The following FAM124B variants were observed in gnomAD, a reference collection of about 807,000 sequenced individuals.
FAM124B encodes the protein family with sequence similarity 124 member B, also known as protein FAM124B.
Under a neutral mutation model 19.7 loss-of-function variants are expected in FAM124B, and 18 were observed. The ratio of observed to expected loss-of-function variants is 0.92; its 90% CI spans 0.63 to 1.36. FAM124B has a LOEUF of 1.36. Among genes scored for constraint, FAM124B ranks in the 40% most tolerant of loss-of-function variants. The probability of loss-of-function intolerance (pLI) is 0.00; values close to 1 mark genes in which losing one functional copy is unlikely to be tolerated. For synonymous variants in FAM124B, 223 were observed against 225.2 expected (o/e 0.99, Z 0.09); for missense variants, 540 against 553.3 (o/e 0.98, Z 0.24).
At chr2:224,381,524 G>A (rs1454790323) in intron 1 of FAM124B, among the ~76,000 whole-genome samples, 1 of 151,420 alleles carries the variant, frequency 6.6e-6, no homozygotes, top group African/African-American at 2.4e-5. Flanking sequence ...GTTGCCAGGG[G>A]TTGGGGGGAG....
intron 1 of FAM124B, among the ~76,000 whole-genome samples, chr2:224,388,164 A>C (rs1394914552): frequency 6.6e-6 from 1 of 152,234 alleles, no homozygotes; most frequent in Non-Finnish European, 1.5e-5. Flanking sequence ...AAGAACGGGA[A>C]AATATATAAT....
At chr2:224,383,712 T>C (rs1303829783) in intron 1 of FAM124B, among the ~76,000 whole-genome samples, 1 of 152,214 alleles carries the variant, frequency 6.6e-6, no homozygotes, top group Non-Finnish European at 1.5e-5. Context: ...ATCTCCGAAA[T>C]GTCAGCTGGG....
chr2:224,380,179 C>A lies in FAM124B; in HGVS notation c.762G>T (p.Lys254Asn). The change falls in exon 2 of 2, where the codon AAG becomes AAT. Residue 254 changes from lysine to asparagine, a missense_variant. Lys to Asn is a moderately conservative substitution (Grantham distance 94). Coordinates refer to ENST00000409685, the MANE Select transcript of FAM124B (RefSeq NM_001122779.2). Reference protein sequence around the residue: ...QVQLNPELGVKNGILGAGMLP... With the variant: ...QVQLNPELGVNNGILGAGMLP... ...GCATGCCAGCTCCCAAGATGCCATT[C>A]TTAACACCAAGTTCTGGATTCAGCT... The A allele has an allele frequency of 6.5e-7, 1 of 1,549,210 alleles. No homozygotes were observed. The highest frequency in any genetic ancestry group is 8.7e-7 in the Non-Finnish European group (1 of 1,145,280).
In FAM124B at chr2:224,399,162, G is replaced by T. The variant is rs560175874; in HGVS notation, c.732+1875C>A. 2.6e-5 allele frequency among the ~76,000 whole-genome samples: 4 copies of T among 152,316 alleles called. No individual in the cohort carries two copies. The East Asian group carries it at 7.7e-4, about 29-fold the overall frequency. ...AAAGTAACTAAGTTGTTTAAACTGTGGTTCCATAGCAAAAATGTCAGTCAG... is the reference window on the plus strand; with the variant it reads ...AAAGTAACTAAGTTGTTTAAACTGTTGTTCCATAGCAAAAATGTCAGTCAG... On this transcript the variant is annotated intron_variant, in intron 1 of 1. Coordinates refer to ENST00000409685, the MANE Select transcript of FAM124B (RefSeq NM_001122779.2).
intron 1 of FAM124B, among the ~76,000 whole-genome samples, chr2:224,394,346 AC>A (rs945454234): frequency 6.6e-6 from 1 of 152,026 alleles, no homozygotes; most frequent in Non-Finnish European, 1.5e-5. Flanking sequence ...CATTTGAAAG[AC>A]CTGCAAGCAC....
chr2:224,386,573 G>A (rs779082528), intron 1 of FAM124B, among the ~76,000 whole-genome samples: 4 of 152,140 alleles, frequency 2.6e-5, no homozygotes, highest in Non-Finnish European at 5.9e-5. Context: ...ATCGTCATTA[G>A]TATTATTACT....
intron 1 of FAM124B, among the ~76,000 whole-genome samples, chr2:224,391,107 C>A (rs1246754029): frequency 1.3e-5 from 2 of 150,230 alleles, no homozygotes; most frequent in Non-Finnish European, 3.0e-5. Context: ...CTTTGGGAGG[C>A]CAAAGTGGGT....
At chr2:224,386,593 A>G (rs746401949) in intron 1 of FAM124B, among the ~76,000 whole-genome samples, 5 of 152,186 alleles carry the variant, frequency 3.3e-5, no homozygotes, top group Non-Finnish European at 5.9e-5. Flanking sequence ...TAGCTCTCAC[A>G]GCGCAGTCTG....
chr2:224,401,219 G>A lies in FAM124B; in HGVS notation c.550C>T (p.Leu184=). The change falls in exon 1 of 2, where the codon CTG becomes TTG. Residue 184 remains leucine (L), a synonymous_variant. Transcript: ENST00000409685. ...GGCAGCTGCTTCAGGGAGAGCTGCA[G>A]AGCAAAGCTCTTGGAGGCATAGAGC... ...FVLYASKSFA[L]QLSLKQLPPG... 2 of 1,614,186 alleles carry A rather than the reference G, an allele frequency of 1.2e-6. No individual in the cohort carries two copies. Among genetic ancestry groups the A allele is most frequent in the East Asian group, 2.2e-5 (1 of 44,886 alleles).
intron 1 of FAM124B, among the ~76,000 whole-genome samples, chr2:224,382,056 C>T (rs1391789258): frequency 6.6e-6 from 1 of 152,076 alleles, no homozygotes; most frequent in East Asian, 1.9e-4. Context: ...TGGTGAGGTG[C>T]ATATTACCAA....
At chr2:224,389,843 G>A (rs1051229577) in intron 1 of FAM124B, among the ~76,000 whole-genome samples, 3 of 152,040 alleles carry the variant, frequency 2.0e-5, no homozygotes, top group African/African-American at 7.3e-5. Flanking sequence ...GGAAATCTTC[G>A]GTGCAGGGCA....
At chr2:224,390,874 T>G (rs921141194) in intron 1 of FAM124B, among the ~76,000 whole-genome samples, 3 of 151,362 alleles carry the variant, frequency 2.0e-5, no homozygotes, top group Non-Finnish European at 4.4e-5. Context: ...CTAATTTTTT[T>G]GTATTTTTGT....
rs933621297 is a variant in FAM124B at position 224,401,391 on chromosome 2, C to G, written c.378G>C (p.Trp126Cys). The change falls in exon 1 of 2, where the codon TGG becomes TGC. Residue 126 changes from tryptophan to cysteine, a missense_variant. Transcript: ENST00000409685. ...AGCCACAGTGCACCTGCCTCACCCC[C>G]CAGATGGGCAGCTGACTGTCCAGGC... is the stretch of plus-strand genomic sequence containing the variant. ...FYSLDSQLPI[W>C]GVRQVHCGSE... 2.5e-6 allele frequency: 4 copies of G among 1,613,978 alleles called. No homozygotes were observed. The highest frequency in any genetic ancestry group is 2.7e-5 in the African/African-American group (2 of 74,888).
chr2:224,380,171 A>G lies in FAM124B; in HGVS notation c.770T>C (p.Ile257Thr), dbSNP rs3738954. 0.14 allele frequency: 220,605 copies of G among 1,550,250 alleles called. 16,368 individuals carry two copies. The highest frequency in any genetic ancestry group is 0.24 in the East Asian group (9,684 of 40,860). Residue 257 changes from isoleucine (I) to threonine (T), a missense_variant, in exon 2 of 2, where the codon ATC becomes ACC. By Grantham distance (89) the Ile-to-Thr change is moderately conservative (BLOSUM62 -1). Coordinates refer to ENST00000409685, the MANE Select transcript of FAM124B (RefSeq NM_001122779.2). ...CAGGGGAAGCATGCCAGCTCCCAAGATGCCATTCTTAACACCAAGTTCTGG... is the reference window on the plus strand; with the variant it reads ...CAGGGGAAGCATGCCAGCTCCCAAGGTGCCATTCTTAACACCAAGTTCTGG... ...LNPELGVKNG[I>T]LGAGMLPLGS...
At position 224,379,677 on chromosome 2, in the gene FAM124B, C is replaced by T. The variant is rs1326186530; in HGVS notation, c.1264G>A (p.Gly422Ser). Residue 422 changes from glycine (G) to serine (S), a missense_variant, in exon 2 of 2, where the codon GGC becomes AGC. Coordinates refer to ENST00000409685, the MANE Select transcript of FAM124B (RefSeq NM_001122779.2). ...KERVSPLPLA[G>S]QRDLGTRKTI... ...TTCCTGGTACCAAGGTCCCTTTGGC[C>T]AGCAAGTGGCAAAGGAGAGACTCTT... 3.2e-6 allele frequency: 5 copies of T among 1,551,480 alleles called. No homozygotes were observed. The African/African-American group carries it at 5.5e-5, about 17-fold the overall frequency.
intron 1 of FAM124B, among the ~76,000 whole-genome samples, chr2:224,391,081 G>A (rs1374852627): frequency 6.7e-6 from 1 of 150,288 alleles, no homozygotes; most frequent in Non-Finnish European, 1.5e-5. Context: ...GGTGGCTCAT[G>A]CCTGTAATCC....
intron 1 of FAM124B, among the ~76,000 whole-genome samples, chr2:224,396,837 C>T (rs568060975): frequency 1.4e-4 from 22 of 152,324 alleles, no homozygotes; most frequent in Non-Finnish European, 2.6e-4. Flanking sequence ...AAGGATGTAA[C>T]CCTCAGAGCT....
At chr2:224,390,730 T>A (rs1011309270) in intron 1 of FAM124B, among the ~76,000 whole-genome samples, 6 of 149,178 alleles carry the variant, frequency 4.0e-5, no homozygotes, top group Admixed American at 6.6e-5. Flanking sequence ...AGACAGAGTC[T>A]CTCTCAGTCG....
chr2:224,388,603 CT>C (rs1217093714), intron 1 of FAM124B, among the ~76,000 whole-genome samples: 3 of 152,170 alleles, frequency 2.0e-5, no homozygotes, highest in Non-Finnish European at 4.4e-5. Flanking sequence ...TACAGAGTTT[CT>C]GTTTGGGATG....
Sources: gnomAD v4.1 joint callset for allele counts (sites outside exome capture counted in the v4.1 genomes callset) on GRCh38, gnomAD v4.1.1 for gene constraint, MANE v1.5 for transcripts, NCBI Gene and HGNC (gene_info 2026-07-23, HGNC 2026-07-21) for gene names.